Variants in NTMT1 observed in about 807,000 individuals in gnomAD.
NTMT1 encodes the protein N-terminal Xaa-Pro-Lys N-methyltransferase 1, also known as N-terminal RCC1 methyltransferase.
In NTMT1, 8 loss-of-function variants were observed where a neutral mutation model predicts 17.5. The ratio of observed to expected loss-of-function variants is 0.46; its 90% CI spans 0.27 to 0.82. The LOEUF (loss-of-function observed/expected upper bound fraction) is 0.82, where lower values mean the gene tolerates loss of function less well. Ranked by LOEUF, NTMT1 falls within the 40% of genes least tolerant of loss-of-function variation. The pLI is 0.15. For synonymous variants in NTMT1, 128 were observed against 126.8 expected (o/e 1.01, Z -0.06); for missense variants, 221 against 303.5 (o/e 0.73, Z 2.02).
At position 129,635,266 on chromosome 9, in the gene NTMT1, C is replaced by T. The variant is rs1831472694; in HGVS notation, c.474C>T (p.Arg158=). The T allele has an allele frequency of 6.2e-7, 1 of 1,613,306 alleles. No individual in the cohort carries two copies. The highest frequency in any genetic ancestry group is 1.1e-5 in the South Asian group (1 of 91,092). The part of the protein sequence containing the change: ...EFLRRCKGSL[R]PNGIIVIKDN... ...TGCGGCGCTGCAAGGGCAGCCTCCG[C>T]CCCAACGGCATCATCGTCATCAAAG... The change falls in exon 4 of 4, where the codon CGC becomes CGT. Residue 158 remains arginine, a synonymous_variant. Transcript: ENST00000372483.
At position 129,632,728 on chromosome 9, in the gene NTMT1, G is replaced by A; in HGVS notation, c.25G>A (p.Glu9Lys). 3.1e-6 allele frequency: 5 copies of A among 1,614,084 alleles called. No homozygotes were observed. The highest frequency in any genetic ancestry group is 3.4e-6 in the Non-Finnish European group (4 of 1,179,984). Residue 9 changes from glutamate to lysine, a missense_variant, in exon 2 of 4, where the codon GAG becomes AAG. By Grantham distance (56) the Glu-to-Lys change is moderately conservative. Coordinates refer to ENST00000372483, the MANE Select transcript of NTMT1 (RefSeq NM_014064.4). The part of the protein sequence containing the change: MTSEVIED[E>K]KQFYSKAKTY... ...CATGACGAGCGAGGTGATAGAAGAC[G>A]AGAAGCAATTCTATTCCAAGGCCAA... is the stretch of plus-strand genomic sequence containing the variant.
At position 129,613,022 on chromosome 9, in the gene NTMT1, C is replaced by T. The variant is rs1830163782; in HGVS notation, c.-55+3844C>T. 7.0e-6 allele frequency: 11 copies of T among 1,565,336 alleles called. No homozygotes were observed. Among genetic ancestry groups the T allele is most frequent in the Non-Finnish European group, 9.5e-6 (11 of 1,154,244 alleles). ...GAGGGTCCACTCCCAGCCCCAGCCA[C>T]TCCACCAAACAGGGCTGCTCCCGGA... On this transcript the variant is annotated intron_variant, in intron 1 of 3. Coordinates refer to the NTMT1 transcript ENST00000372486. The surrounding 1 kb of genome is among the most constrained non-coding windows in gnomAD (Gnocchi z 6.2).
chr9:129,620,602 C>T lies in NTMT1; in HGVS notation c.-55+11424C>T, dbSNP rs774564985. 3.0e-6 allele frequency: 4 copies of T among 1,312,932 alleles called. No individual in the cohort carries two copies. The highest frequency in any genetic ancestry group is 4.9e-5 in the South Asian group (2 of 40,560). The allele number at this position is 1,312,932 out of a possible 1,614,324, so 81.3% of individuals were successfully genotyped here. A position where few individuals can be genotyped will look rare whatever the true frequency, so the allele number is the denominator to read the frequency against. ...TTGGCCCCGCACTCAGCTCACCGCA[C>T]CCTCAGCGCGCGTGGGTGGGGGGCG... is the stretch of plus-strand genomic sequence containing the variant. On this transcript the variant is annotated intron_variant, in intron 1 of 3. Transcript: ENST00000372486. This position sits in a 1 kb window ranked among gnomAD's most constrained non-coding sequence, Gnocchi z 5.8.
At position 129,619,952 on chromosome 9, in the gene NTMT1, G is replaced by T. The variant is rs1830593461; in HGVS notation, c.-55+10774G>T. The T allele has an allele frequency of 2.7e-6, 4 of 1,482,958 alleles. No individual in the cohort carries two copies. In the East Asian group the frequency reaches 7.3e-5, roughly 27 times the overall value. 91.9% of individuals were successfully genotyped at this position (1,482,958 alleles called of 1,614,324 possible). A position where few individuals can be genotyped will look rare whatever the true frequency, so the allele number is the denominator to read the frequency against. ...GGTTGCGAGGGCTCTGAGATACTCA[G>T]CTAACATTAGCATCCTTCTAGCCTG... On this transcript the variant is annotated intron_variant, in intron 1 of 3. Coordinates refer to the NTMT1 transcript ENST00000372486.
rs1830249474 is a variant in NTMT1, at chr9:129,614,443, A to G, written c.-55+5265A>G. Among the ~76,000 whole-genome samples the G allele has an allele frequency of 6.6e-6, 1 of 152,198 alleles. No individual in the cohort carries two copies. Among genetic ancestry groups the G allele is most frequent in the Admixed American group, 6.5e-5 (1 of 15,284 alleles). On this transcript the variant is annotated intron_variant, in intron 1 of 3. Transcript: ENST00000372486. This position sits in a 1 kb window ranked among gnomAD's most constrained non-coding sequence, Gnocchi z 4.4. ...GCAGACATTTCCTGAAACTGCACAT[A>G]GTGGGTGCTCAATAAACAGCTAGAG...
Position 129,635,250 on chromosome 9 carries a change from G to C in NTMT1, c.458G>C (p.Cys153Ser). The change falls in exon 4 of 4, where the codon TGC becomes TCC. Residue 153 changes from cysteine (C) to serine (S), a missense_variant. By Grantham distance (112) the Cys-to-Ser change is moderately radical. Coordinates refer to ENST00000372483, the MANE Select transcript of NTMT1 (RefSeq NM_014064.4). ...CACCTGGCCGAGTTCCTGCGGCGCTGCAAGGGCAGCCTCCGCCCCAACGGC... is the reference window on the plus strand; with the variant it reads ...CACCTGGCCGAGTTCCTGCGGCGCTCCAAGGGCAGCCTCCGCCCCAACGGC... ...DQHLAEFLRR[C>S]KGSLRPNGII... 6.2e-7 allele frequency: 1 copy of C among 1,612,850 alleles called. No individual in the cohort carries two copies. The highest frequency in any genetic ancestry group is 8.5e-7 in the Non-Finnish European group (1 of 1,180,012).
intron 1 of NTMT1, among the ~76,000 whole-genome samples, chr9:129,630,930 G>A (rs1228945287): frequency 1.3e-5 from 2 of 152,226 alleles, no homozygotes; most frequent in African/African-American, 2.4e-5. Context: ...CCTCCTTTAG[G>A]TTAGGCCTTG....
chr9:129,610,133 G>C (rs949031241), intron 1 of NTMT1, among the ~76,000 whole-genome samples: 1 of 148,196 alleles, frequency 6.7e-6, no homozygotes, highest in Admixed American at 6.7e-5. Flanking sequence ...ACAGCGCAGG[G>C]AGCGGACAGG....
intron 1 of NTMT1, among the ~76,000 whole-genome samples, chr9:129,618,135 T>C (rs1830484938): frequency 6.6e-6 from 1 of 152,236 alleles, no homozygotes; most frequent in African/African-American, 2.4e-5. Context: ...ATGTTTGTGA[T>C]GTATTTACTC....
upstream of NTMT1, among the ~76,000 whole-genome samples, chr9:129,625,635 G>A (rs577645165): frequency 6.6e-6 from 1 of 152,326 alleles, no homozygotes; most frequent in East Asian, 1.9e-4. Flanking sequence ...GAAGGCCGAG[G>A]TGGAAGCCTC....
chr9:129,632,787 C>T lies in NTMT1; in HGVS notation c.84C>T (p.Asp28=), dbSNP rs751099525. 51 of 1,614,158 alleles carry T rather than the reference C, an allele frequency of 3.2e-5. No individual in the cohort carries two copies. The East Asian group carries it at 6.2e-4, about 20-fold the overall frequency. ...GGAAACAAATCCCACCCACGGTGGACGGCATGCTTGGGGGGTATGGCCACA... is the reference window on the plus strand; with the variant it reads ...GGAAACAAATCCCACCCACGGTGGATGGCATGCTTGGGGGGTATGGCCACA... ...TYWKQIPPTV[D]GMLGGYGHIS... The change falls in exon 2 of 4, where the codon GAC becomes GAT. Residue 28 remains aspartate, a synonymous_variant. Coordinates refer to ENST00000372483, the MANE Select transcript of NTMT1 (RefSeq NM_014064.4).
chr9:129,613,783 T>C lies in NTMT1; in HGVS notation c.-55+4605T>C, dbSNP rs1399682695. Among the ~76,000 whole-genome samples, 2 of 152,144 alleles carry C rather than the reference T, an allele frequency of 1.3e-5. No homozygotes were observed. On this transcript the variant is annotated intron_variant, in intron 1 of 3. Coordinates refer to the NTMT1 transcript ENST00000372486. The surrounding 1 kb of genome is among the most constrained non-coding windows in gnomAD (Gnocchi z 6.2). The stretch of plus-strand genomic sequence containing the variant: ...GTTTTAAAACCACCTTGCGTGACCA[T>C]TTCTGTTATACCCAAGCTGTGCCCC...
upstream of NTMT1, among the ~76,000 whole-genome samples, chr9:129,624,632 T>C (rs562446368): frequency 2.0e-5 from 3 of 152,296 alleles, no homozygotes; most frequent in African/African-American, 7.2e-5. Context: ...ATAGTATTAT[T>C]ATTATTTTAT....
intron 1 of NTMT1, chr9:129,615,462 G>T: frequency 6.5e-7 from 1 of 1,544,686 alleles, no homozygotes; most frequent in Non-Finnish European, 8.7e-7. Context: ...GAGTCTCGAG[G>T]CTCCCCATCC....
Position 129,613,599 on chromosome 9 carries a change from T to G in NTMT1, c.-55+4421T>G. 1.9e-6 allele frequency: 3 copies of G among 1,614,084 alleles called. No homozygotes were observed. Among genetic ancestry groups the G allele is most frequent in the Non-Finnish European group, 2.5e-6 (3 of 1,180,004 alleles). On this transcript the variant is annotated intron_variant, in intron 1 of 3. Transcript: ENST00000372486. The surrounding 1 kb of genome is among the most constrained non-coding windows in gnomAD (Gnocchi z 6.2). ...GGTTCACAATGACGCTCTGTTGGAC[T>G]GCAGGAAAGAGGGCAGGGTGAGATC...
intron 1 of NTMT1, chr9:129,612,483 G>T: frequency 6.3e-7 from 1 of 1,582,668 alleles, no homozygotes; most frequent in Non-Finnish European, 8.6e-7. Context: ...CCAGCTGGCT[G>T]CTACCAGGAC....
At chr9:129,610,541 G>A (rs1197705717) in intron 1 of NTMT1, among the ~76,000 whole-genome samples, 1 of 152,010 alleles carries the variant, frequency 6.6e-6, no homozygotes, top group East Asian at 1.9e-4. Flanking sequence ...GCTCGGAGCA[G>A]GTGCCAGGAG....
chr9:129,609,643 G>A (rs1266976991), intron 1 of NTMT1, among the ~76,000 whole-genome samples: 3 of 151,834 alleles, frequency 2.0e-5, no homozygotes, highest in Non-Finnish European at 4.4e-5. Context: ...CCAATCTGGG[G>A]TCTCTGCCAA....
At chr9:129,622,511 A>C (rs545483927), upstream of NTMT1, among the ~76,000 whole-genome samples, 11 of 152,084 alleles carry the variant, frequency 7.2e-5, no homozygotes, top group Non-Finnish European at 1.3e-4. Context: ...TAATAATAAT[A>C]ATCCAAGGTC....
Sources: allele counts gnomAD v4.1 joint callset (sites outside exome capture counted in the v4.1 genomes callset), GRCh38; gene constraint gnomAD v4.1.1; non-coding constraint Gnocchi (gnomAD v3.1); transcripts MANE v1.5; gene names NCBI Gene and HGNC (gene_info 2026-07-23, HGNC 2026-07-21).